PDE4D: variants seen among roughly 807,000 people sequenced by gnomAD.
PDE4D encodes the protein phosphodiesterase 4D, also known as 3',5'-cyclic-AMP phosphodiesterase 4D.
PDE4D carries 24 observed loss-of-function variants against 87.4 expected under a neutral mutation model. The observed-to-expected ratio is 0.27, with a 90% CI of 0.20 to 0.39. The LOEUF (loss-of-function observed/expected upper bound fraction) is 0.39, where lower values mean the gene tolerates loss of function less well. PDE4D is among the 10% of genes least tolerant of loss of function. The pLI, the probability that PDE4D is intolerant of heterozygous loss-of-function variation, is 1.00. For missense variants in PDE4D, 714 were observed against 1,041.0 expected, an observed-to-expected ratio of 0.69 and a Z score of 4.32; for synonymous variants, 384 against 383.2, an observed-to-expected ratio of 1.00 and a Z score of -0.02.
chr5:60,430,081 G>A lies in PDE4D; in HGVS notation c.-90+57861C>T. Reference sequence around the variant, plus strand: ...GGCCCAGACAGCTTTGTTGAGCCTGGTATCAAAGTGTGCATCTGGAGTTCC... The same window carrying A: ...GGCCCAGACAGCTTTGTTGAGCCTGATATCAAAGTGTGCATCTGGAGTTCC... On this transcript the variant is annotated intron_variant, in intron 1 of 16. Coordinates refer to the PDE4D transcript ENST00000502484. The A allele has an allele frequency of 5.7e-6, 3 of 523,894 alleles. No individual in the cohort carries two copies. The Admixed American group carries it at 5.8e-5, about 10-fold the overall frequency. 32.5% of individuals were successfully genotyped at this position (523,894 alleles called of 1,614,324 possible). A position where few individuals can be genotyped will look rare whatever the true frequency, so the allele number is the denominator to read the frequency against.
intron 2 of PDE4D, among the ~76,000 whole-genome samples, chr5:60,070,708 G>A (rs1238327252): frequency 6.6e-6 from 1 of 151,980 alleles, no homozygotes; most frequent in Non-Finnish European, 1.5e-5. Context: ...ATTTGGACAT[G>A]TTCCCTCTCC....
At chr5:59,355,840 T>C (rs1582130423) in intron 1 of PDE4D, among the ~76,000 whole-genome samples, 1 of 152,278 alleles carries the variant, frequency 6.6e-6, no homozygotes, top group Non-Finnish European at 1.5e-5. Context: ...ATTCAAACTT[T>C]GAATGTTTTA....
chr5:59,241,090 G>T (rs1757571470), intron 1 of PDE4D, among the ~76,000 whole-genome samples: 3 of 152,104 alleles, frequency 2.0e-5, no homozygotes, highest in African/African-American at 7.2e-5. Context: ...TATTTTAAGG[G>T]AGTTACAGAT....
chr5:59,496,035 G>C (rs1445975739), intron 1 of PDE4D, among the ~76,000 whole-genome samples: 1 of 152,128 alleles, frequency 6.6e-6, no homozygotes, highest in Non-Finnish European at 1.5e-5. Flanking sequence ...GGGAAGAATT[G>C]AATCACACCT....
chr5:59,109,089 C>T (rs1442404575), intron 5 of PDE4D, among the ~76,000 whole-genome samples: 1 of 149,294 alleles, frequency 6.7e-6, no homozygotes, highest in Non-Finnish European at 1.5e-5. Flanking sequence ...CTACTCTATT[C>T]CAGTTCTTTT....
rs373260730 is a variant in PDE4D at position 60,074,892 on chromosome 5, G to T, written c.43-86175C>A. On this transcript the variant is annotated intron_variant, in intron 2 of 16. Transcript: ENST00000502484. ...GCATCTCTTTATTTTGAGCCTATGG[G>T]TGTCACCGCATATGAGATGGGTCTC... 9.2e-5 allele frequency among the ~76,000 whole-genome samples: 14 copies of T among 152,176 alleles called. No homozygotes were observed. In the South Asian group the frequency reaches 2.9e-3, roughly 32 times the overall value.
intron 1 of PDE4D, among the ~76,000 whole-genome samples, chr5:59,734,427 T>G (rs1222135301): frequency 6.6e-6 from 1 of 152,168 alleles, no homozygotes; most frequent in East Asian, 1.9e-4. Context: ...ATGAAGTTCC[T>G]TCAAGTAAGA....
chr5:60,255,124 A>C (rs1468331396), intron 1 of PDE4D, among the ~76,000 whole-genome samples: 1 of 151,942 alleles, frequency 6.6e-6, no homozygotes, highest in Non-Finnish European at 1.5e-5. Context: ...TCAAGGGATG[A>C]AAATGACTAT....
intron 3 of PDE4D, among the ~76,000 whole-genome samples, chr5:59,964,668 C>T (rs1759813389): frequency 6.6e-6 from 1 of 152,130 alleles, no homozygotes; most frequent in African/African-American, 2.4e-5. Flanking sequence ...GACCATGATG[C>T]CTTCATTTCC....
chr5:59,686,242 T>C (rs937734666), intron 1 of PDE4D, among the ~76,000 whole-genome samples: 1 of 152,174 alleles, frequency 6.6e-6, no homozygotes, highest in Non-Finnish European at 1.5e-5. Context: ...GAGGGATTAC[T>C]TGCCTGCCAA....
intron 5 of PDE4D, among the ~76,000 whole-genome samples, chr5:59,053,650 TTTTTGTTGTTG>T (rs1459849629): frequency 0.15 from 15,892 of 108,454 alleles, 1,053 homozygotes; most frequent in Non-Finnish European, 0.19. Context: ...TTTTTGTTTT[TTTTTGTTGTTG>T]TTTTTTTTTT....
At chr5:59,208,783 TTAAG>T (rs1387797413) in intron 2 of PDE4D, among the ~76,000 whole-genome samples, 1 of 152,208 alleles carries the variant, frequency 6.6e-6, no homozygotes, top group Non-Finnish European at 1.5e-5. Flanking sequence ...ATAAAATGAC[TTAAG>T]TGATTGAATA....
chr5:59,525,320 A>C (rs928704746), intron 1 of PDE4D, among the ~76,000 whole-genome samples: 3 of 152,140 alleles, frequency 2.0e-5, no homozygotes, highest in African/African-American at 7.2e-5. Context: ...TTGGAACTTT[A>C]ATGTTTAATG....
chr5:59,751,574 GGT>G (rs57407769), intron 1 of PDE4D, among the ~76,000 whole-genome samples: 4,656 of 142,574 alleles, frequency 0.033, 87 homozygotes, highest in East Asian at 0.06. Flanking sequence ...ATAAATCCCT[GGT>G]GTGTGTGTGT....
intron 1 of PDE4D, among the ~76,000 whole-genome samples, chr5:60,502,848 T>A (rs1197646362): frequency 6.6e-6 from 1 of 152,214 alleles, no homozygotes; most frequent in Non-Finnish European, 1.5e-5. Context: ...TTTTCAGTTC[T>A]AGATTTAATA....
At chr5:59,329,051 C>A (rs898359288) in intron 1 of PDE4D, among the ~76,000 whole-genome samples, 1 of 152,162 alleles carries the variant, frequency 6.6e-6, no homozygotes, top group Non-Finnish European at 1.5e-5. Flanking sequence ...ATCCTCCTTG[C>A]AAGAAGGCCA....
intron 6 of PDE4D, among the ~76,000 whole-genome samples, chr5:59,004,247 G>C (rs1751123831): frequency 6.6e-6 from 1 of 152,116 alleles, no homozygotes; most frequent in Non-Finnish European, 1.5e-5. Context: ...TTAAAAAGTA[G>C]TCAAAAACTA....
At chr5:60,491,782 G>A (rs1381851979), upstream of PDE4D, among the ~76,000 whole-genome samples, 1 of 152,154 alleles carries the variant, frequency 6.6e-6, no homozygotes, top group African/African-American at 2.4e-5. Context: ...TCTGGAGTCA[G>A]GCCACCTGGG....
At chr5:59,586,563 C>T in intron 1 of PDE4D, 2 of 1,385,584 alleles carry the variant, frequency 1.4e-6, no homozygotes, top group Non-Finnish European at 1.9e-6. Flanking sequence ...TACAAAAGGC[C>T]TTCCAGGATT....
Sources: gnomAD v4.1 joint callset for allele counts (sites outside exome capture counted in the v4.1 genomes callset) on GRCh38, gnomAD v4.1.1 for gene constraint, MANE v1.5 for transcripts, NCBI Gene and HGNC (gene_info 2026-07-23, HGNC 2026-07-21) for gene names.